PABPC4L: variants seen among roughly 807,000 people sequenced by gnomAD.
PABPC4L encodes the protein polyadenylate-binding protein 4-like.
For synonymous variants in PABPC4L, 169 were observed against 164.1 expected (o/e 1.03, Z -0.23); for missense variants, 452 against 451.4 (o/e 1.00, Z -0.01).
chr4:134,126,336 C>T, the PABPC4L span, among the ~76,000 whole-genome samples: 2 of 152,128 alleles, frequency 1.3e-5, no homozygotes, highest in Non-Finnish European at 2.9e-5. Flanking sequence ...ACTGTAGAGA[C>T]TATTTCTTAG....
At chr4:134,169,574 A>G in the PABPC4L span, among the ~76,000 whole-genome samples, 2,015 of 152,228 alleles carry the variant, frequency 0.013, 19 homozygotes, top group Non-Finnish European at 0.018. Flanking sequence ...CTTAGAACTA[A>G]TAAACAAATT....
chr4:134,008,191 A>G, the PABPC4L span, among the ~76,000 whole-genome samples: 1 of 151,746 alleles, frequency 6.6e-6, no homozygotes, highest in African/African-American at 2.4e-5. Context: ...AACTTTTAAC[A>G]TTTTTTAAAC....
At chr4:134,030,724 A>G in the PABPC4L span, among the ~76,000 whole-genome samples, 1 of 152,230 alleles carries the variant, frequency 6.6e-6, no homozygotes, top group Non-Finnish European at 1.5e-5. Flanking sequence ...GTGGAGAAAA[A>G]TAAATGTTTA....
chr4:134,200,882 G>A lies in PABPC4L; in HGVS notation c.138C>T (p.Val46=). The A allele has an allele frequency of 6.4e-7, 1 of 1,558,360 alleles. No homozygotes were observed. Among genetic ancestry groups the A allele is most frequent in the South Asian group, 1.2e-5 (1 of 84,562 alleles). ...AGGCATAGCCCAGAGAGCGGCGGGT[G>A]ACCTGGTCCCTGCAAATGCGGATGG... ...VLSIRICRDQ[V]TRRSLGYAYV... Residue 46 remains valine, a synonymous_variant, in exon 2 of 2, where the codon GTC becomes GTT. Transcript: ENST00000421491.
the PABPC4L span, among the ~76,000 whole-genome samples, chr4:134,079,134 G>C: frequency 6.5e-4 from 98 of 151,214 alleles, 2 homozygotes; most frequent in East Asian, 0.014. Context: ...ACCACGCCCA[G>C]CTAATTTTTG....
At chr4:134,014,586 C>G in the PABPC4L span, among the ~76,000 whole-genome samples, 2 of 152,122 alleles carry the variant, frequency 1.3e-5, no homozygotes, top group African/African-American at 4.8e-5. Flanking sequence ...GCCCCTGGAA[C>G]TCTGGCCCAA....
the PABPC4L span, among the ~76,000 whole-genome samples, chr4:134,166,248 G>A: frequency 6.6e-6 from 1 of 151,744 alleles, no homozygotes; most frequent in Admixed American, 6.6e-5. Flanking sequence ...TCTATGTAAG[G>A]AAAACCCACT....
the PABPC4L span, among the ~76,000 whole-genome samples, chr4:133,990,740 C>T: frequency 6.6e-6 from 1 of 152,138 alleles, no homozygotes; most frequent in South Asian, 2.1e-4. Flanking sequence ...GCCGACCCCC[C>T]CAGTAGAGAG....
chr4:133,961,826 C>T, the PABPC4L span, among the ~76,000 whole-genome samples: 1 of 152,136 alleles, frequency 6.6e-6, no homozygotes, highest in Non-Finnish European at 1.5e-5. Flanking sequence ...CATTGCCGCT[C>T]CCAATCAGGC....
Position 134,200,233 on chromosome 4 carries a change from C to A in PABPC4L, c.787G>T (p.Gly263Cys). The A allele has an allele frequency of 6.4e-7, 1 of 1,552,390 alleles. No homozygotes were observed. The highest frequency in any genetic ancestry group is 8.7e-7 in the Non-Finnish European group (1 of 1,147,344). The change falls in exon 2 of 2, where the codon GGC becomes TGC. Residue 263 changes from glycine (G) to cysteine (C), a missense_variant. Transcript: ENST00000421491. ...CGCTCGACTTTCTTTTGAGCCCGGCCTACAAAAATCAGCTGCCCATTTATG... is the reference window on the plus strand; with the variant it reads ...CGCTCGACTTTCTTTTGAGCCCGGCATACAAAAATCAGCTGCCCATTTATG... The part of the protein sequence containing the change: ...RDINGQLIFV[G>C]RAQKKVERQA...
chr4:134,039,322 G>A, the PABPC4L span, among the ~76,000 whole-genome samples: 8 of 152,132 alleles, frequency 5.3e-5, no homozygotes, highest in African/African-American at 1.9e-4. Context: ...GGAGAGTTCT[G>A]TAGATGTCTA....
downstream of PABPC4L, among the ~76,000 whole-genome samples, chr4:134,193,520 C>A (rs114478654): frequency 3.4e-3 from 515 of 152,032 alleles, 4 homozygotes; most frequent in African/African-American, 9.6e-3. Flanking sequence ...AGGTTAACAT[C>A]CTATAGGGAG....
the PABPC4L span, among the ~76,000 whole-genome samples, chr4:134,049,554 T>C: frequency 5.1e-3 from 780 of 152,188 alleles, 11 homozygotes; most frequent in African/African-American, 0.018. Flanking sequence ...AACAACTTTG[T>C]CAATTTTAAC....
chr4:134,176,982 T>C, the PABPC4L span, among the ~76,000 whole-genome samples: 2 of 151,986 alleles, frequency 1.3e-5, no homozygotes, highest in Non-Finnish European at 2.9e-5. Flanking sequence ...ACAACCCCAA[T>C]AGAGTCACCA....
chr4:133,981,238 T>C, the PABPC4L span, among the ~76,000 whole-genome samples: 1 of 152,228 alleles, frequency 6.6e-6, no homozygotes, highest in Non-Finnish European at 1.5e-5. Context: ...CATTGGTTTA[T>C]TGCTGAAATA....
chr4:133,983,277 A>G, the PABPC4L span, among the ~76,000 whole-genome samples: 1 of 152,074 alleles, frequency 6.6e-6, no homozygotes, highest in Non-Finnish European at 1.5e-5. Context: ...TCAACCTCAT[A>G]AACTTTCTCA....
chr4:134,055,407 G>A, the PABPC4L span, among the ~76,000 whole-genome samples: 39 of 151,810 alleles, frequency 2.6e-4, no homozygotes, highest in African/African-American at 8.9e-4. Flanking sequence ...AGAAAAGGTC[G>A]TGTAGGGACA....
the PABPC4L span, among the ~76,000 whole-genome samples, chr4:133,963,451 A>G: frequency 7.2e-5 from 11 of 152,140 alleles, no homozygotes; most frequent in Non-Finnish European, 1.6e-4. Flanking sequence ...GAAAGCCAAT[A>G]AAGAAACAAT....
the PABPC4L span, among the ~76,000 whole-genome samples, chr4:134,171,731 G>T: frequency 6.6e-6 from 1 of 152,108 alleles, no homozygotes; most frequent in South Asian, 2.1e-4. Flanking sequence ...AACTGTCTTT[G>T]TTTGCAGATT....
Sources: allele counts gnomAD v4.1 joint callset (sites outside exome capture counted in the v4.1 genomes callset), GRCh38; gene constraint gnomAD v4.1.1; transcripts MANE v1.5; gene names NCBI Gene and HGNC (gene_info 2026-07-23, HGNC 2026-07-21).